Variants in AGBL1 observed in about 807,000 individuals in gnomAD.
The protein encoded by AGBL1 is AGBL carboxypeptidase 1.
AGBL1 carries 130 observed loss-of-function variants against 118.9 expected under a neutral mutation model. The ratio of observed to expected loss-of-function variants is 1.09; its 90% CI spans 0.95 to 1.26. AGBL1 has a LOEUF of 1.26. Ranked by LOEUF, AGBL1 falls within the 50% of genes most tolerant of loss-of-function variation. The pLI is 0.00. For synonymous variants in AGBL1, 555 were observed against 478.9 expected (o/e 1.16, Z -2.08); for missense variants, 1,584 against 1,298.1 (o/e 1.22, Z -3.38).
intron 18 of AGBL1, among the ~76,000 whole-genome samples, chr15:86,426,728 C>T (rs557265147): frequency 1.3e-5 from 2 of 152,264 alleles, no homozygotes; most frequent in South Asian, 2.1e-4. Flanking sequence ...AGTGGGGCTG[C>T]TTAACTATTT....
chr15:86,816,986 G>A (rs1331523361), intron 22 of AGBL1, among the ~76,000 whole-genome samples: 1 of 152,094 alleles, frequency 6.6e-6, no homozygotes, highest in African/African-American at 2.4e-5. Flanking sequence ...TAAACAGGGA[G>A]TAGCTGAGTT....
rs143358243 is a variant in AGBL1, at chr15:86,927,140, AAAATAAAT to A, written c.3222-60828_3222-60821del. ...GGCGACAGTGTGAGACTCCATCTTA[AAAATAAAT>A]AAATAAATAAATAAATAATAAAATA... On this transcript the variant is annotated intron_variant, in intron 23 of 24. Transcript: ENST00000441037. Among the ~76,000 whole-genome samples, 1,068 of 151,582 alleles carry A rather than the reference AAAATAAAT, an allele frequency of 7.0e-3. 14 individuals are homozygous for A. The highest frequency in any genetic ancestry group is 0.024 in the African/African-American group (994 of 41,352).
chr15:86,195,054 A>T (rs1373235721), intron 5 of AGBL1, among the ~76,000 whole-genome samples: 1 of 152,132 alleles, frequency 6.6e-6, no homozygotes, highest in African/African-American at 2.4e-5. Context: ...GGGTTTTTAA[A>T]TGCCTTATTC....
chr15:86,999,184 T>C (rs1412528235), intron 24 of AGBL1, among the ~76,000 whole-genome samples: 2 of 146,788 alleles, frequency 1.4e-5, no homozygotes, highest in Non-Finnish European at 2.9e-5. Flanking sequence ...AGACATGAAC[T>C]CATCATTTTT....
intron 21 of AGBL1, among the ~76,000 whole-genome samples, chr15:86,651,177 A>C (rs1367283249): frequency 1.3e-5 from 2 of 152,062 alleles, no homozygotes; most frequent in Non-Finnish European, 2.9e-5. Flanking sequence ...CAGAGTTCTT[A>C]ATTTGGTAGC....
intron 24 of AGBL1, among the ~76,000 whole-genome samples, chr15:86,993,652 A>G (rs529437722): frequency 1.3e-5 from 2 of 152,252 alleles, no homozygotes; most frequent in Non-Finnish European, 2.9e-5. Context: ...GATTTGTGCT[A>G]TGTGAACTTT....
At chr15:86,085,216 A>G (rs940398564) in intron 1 of AGBL1, among the ~76,000 whole-genome samples, 4 of 152,206 alleles carry the variant, frequency 2.6e-5, no homozygotes, top group Admixed American at 2.0e-4. Context: ...GATTCAGGGA[A>G]GGCCTTGGAA....
At chr15:86,985,531 ACTT>A (rs1403917824) in intron 23 of AGBL1, among the ~76,000 whole-genome samples, 3 of 151,988 alleles carry the variant, frequency 2.0e-5, no homozygotes, top group Non-Finnish European at 2.9e-5. Context: ...CATCCTTAAA[ACTT>A]CTTTGGTGAT....
At chr15:86,467,811 C>T (rs1364539900) in intron 18 of AGBL1, among the ~76,000 whole-genome samples, 1 of 152,170 alleles carries the variant, frequency 6.6e-6, no homozygotes, top group Non-Finnish European at 1.5e-5. Flanking sequence ...ATGGGTTGCA[C>T]CCACTGTCTA....
chr15:86,577,037 G>T (rs539489644), intron 21 of AGBL1, among the ~76,000 whole-genome samples: 1 of 152,322 alleles, frequency 6.6e-6, no homozygotes, highest in African/African-American at 2.4e-5. Flanking sequence ...CAAAAATGTG[G>T]AAGTGACTTT....
At chr15:86,555,222 T>C (rs1451020025) in intron 21 of AGBL1, among the ~76,000 whole-genome samples, 2 of 152,228 alleles carry the variant, frequency 1.3e-5, no homozygotes, top group Admixed American at 1.3e-4. Flanking sequence ...AAAGGACATT[T>C]TGACAGTGCC....
Position 86,457,660 on chromosome 15 carries a change from C to T in AGBL1, c.2555+60114C>T, listed in dbSNP as rs150631230. Among the ~76,000 whole-genome samples the T allele has an allele frequency of 1.6e-3, 248 of 152,226 alleles. 4 individuals are homozygous for T. The highest frequency in any genetic ancestry group is 2.6e-4 in the Non-Finnish European group (18 of 67,996). On this transcript the variant is annotated intron_variant, in intron 18 of 22. Transcript: ENST00000614907. ...AAAATCAAACCAGATTAGAAGTGCT[C>T]TGGAGAAGAAGTCCAAGAGATATAT...
chr15:86,765,002 T>C (rs1406184983), intron 22 of AGBL1, among the ~76,000 whole-genome samples: 1 of 151,862 alleles, frequency 6.6e-6, no homozygotes, highest in Non-Finnish European at 1.5e-5. Context: ...ATAGGCAGAG[T>C]AGGCTTGTGT....
intron 1 of AGBL1, among the ~76,000 whole-genome samples, chr15:86,111,657 T>G (rs1389713232): frequency 6.6e-6 from 1 of 152,114 alleles, no homozygotes; most frequent in African/African-American, 2.4e-5. Context: ...GGAGAACAAG[T>G]TGGGGAAAAC....
At chr15:86,635,250 TCCTCCC>T (rs1596325076) in intron 21 of AGBL1, among the ~76,000 whole-genome samples, 1 of 116,276 alleles carries the variant, frequency 8.6e-6, no homozygotes, top group Admixed American at 8.3e-5. Flanking sequence ...TTTCTCCTCC[TCCTCCC>T]CCTCCCCCTC....
intron 5 of AGBL1, among the ~76,000 whole-genome samples, chr15:86,169,734 A>T (rs12915073): frequency 0.15 from 23,478 of 152,236 alleles, 2,095 homozygotes; most frequent in Admixed American, 0.2. Flanking sequence ...TGCAATTTTT[A>T]AAAATATATT....
At chr15:86,739,341 GC>G (rs1042462584) in intron 22 of AGBL1, among the ~76,000 whole-genome samples, 1 of 151,186 alleles carries the variant, frequency 6.6e-6, no homozygotes, top group African/African-American at 2.4e-5. Flanking sequence ...TACTCAAGAG[GC>G]TGAGGCAGGA....
chr15:86,146,442 A>C (rs1352766827), intron 3 of AGBL1, among the ~76,000 whole-genome samples: 4 of 152,142 alleles, frequency 2.6e-5, no homozygotes, highest in African/African-American at 9.7e-5. Context: ...TGGATTTTGG[A>C]ATCTGTGGGA....
intron 5 of AGBL1, among the ~76,000 whole-genome samples, chr15:86,201,461 G>A (rs1346776720): frequency 6.6e-6 from 1 of 152,218 alleles, no homozygotes. Flanking sequence ...TGAAGGCAGA[G>A]TAGGAGCTAT....
Sources: gnomAD v4.1 joint callset for allele counts (sites outside exome capture counted in the v4.1 genomes callset) on GRCh38, gnomAD v4.1.1 for gene constraint, MANE v1.5 for transcripts, NCBI Gene and HGNC (gene_info 2026-07-23, HGNC 2026-07-21) for gene names.